The following TECPR2 variants were observed in gnomAD, a reference collection of about 807,000 sequenced individuals.
The protein encoded by TECPR2 is tectonin beta-propeller repeat-containing protein 2.
In TECPR2, 65 loss-of-function variants were observed where a neutral mutation model predicts 138.1. The observed-to-expected ratio is 0.47, with a 90% CI of 0.39 to 0.58. The LOEUF is 0.58. Among genes scored for constraint, TECPR2 ranks in the 20% least tolerant of loss-of-function variants. The pLI, the probability that TECPR2 is intolerant of heterozygous loss-of-function variation, is 0.00. For missense variants in TECPR2, 1,553 were observed against 1,824.5 expected (o/e 0.85, Z 2.71); for synonymous variants, 746 against 749.8 (o/e 0.99, Z 0.08).
chr14:102,370,524 C>T (rs1439051966), intron 1 of TECPR2, among the ~76,000 whole-genome samples: 2 of 152,170 alleles, frequency 1.3e-5, no homozygotes, highest in Non-Finnish European at 2.9e-5. Flanking sequence ...AAGGCCAGGA[C>T]GTGAGAGGCC....
intron 4 of TECPR2, among the ~76,000 whole-genome samples, chr14:102,414,130 A>G (rs181820316): frequency 6.6e-6 from 1 of 152,260 alleles, no homozygotes; most frequent in East Asian, 1.9e-4. Context: ...AATGTCCTCA[A>G]AGCTGCTTTG....
chr14:102,428,405 A>G (rs779881299), intron 7 of TECPR2, 23 bp downstream of exon 7: 10 of 1,607,100 alleles, frequency 6.2e-6, no homozygotes, highest in East Asian at 2.2e-5. Context: ...TATAAAATGT[A>G]CCATGTATAT....
At chr14:102,488,151 C>T (rs1313387526) in intron 17 of TECPR2, among the ~76,000 whole-genome samples, 2 of 151,260 alleles carry the variant, frequency 1.3e-5, no homozygotes, top group East Asian at 2.0e-4. Context: ...GCCTCTTTTG[C>T]ATTTTTATGA....
chr14:102,481,414 G>T (rs1226655737), intron 17 of TECPR2, among the ~76,000 whole-genome samples: 1 of 152,192 alleles, frequency 6.6e-6, no homozygotes, highest in Admixed American at 6.5e-5. Flanking sequence ...CTCCCAAAGT[G>T]TTGGGATTAC....
At position 102,438,214 on chromosome 14, in the gene TECPR2, CCCCGCTCCCTGCT is replaced by C. The variant is rs3831019; in HGVS notation, c.2578+30_2578+42del. The C allele has an allele frequency of 0.26, 416,167 of 1,590,256 alleles. 57,879 individuals are homozygous for C. The highest frequency in any genetic ancestry group is 0.3 in the Middle Eastern group (1,497 of 5,026). ...GGCAGTCTCGCCCTCAGGTTCGCCTCCCCGCTCCCTGCTCCCGCTCCCTGCTCCCGCTCGCCGC... is the reference window on the plus strand; with the variant it reads ...GGCAGTCTCGCCCTCAGGTTCGCCTCCCCGCTCCCTGCTCCCGCTCGCCGC... On this transcript the variant is annotated intron_variant, in intron 10 of 19. Transcript: ENST00000359520.
chr14:102,450,940 T>G (rs960596291), intron 15 of TECPR2, among the ~76,000 whole-genome samples: 1 of 152,228 alleles, frequency 6.6e-6, no homozygotes, highest in Non-Finnish European at 1.5e-5. Context: ...AGCTGGTGAC[T>G]TCCAGTGGCA....
chr14:102,409,242 G>A (rs1459208234), intron 4 of TECPR2, among the ~76,000 whole-genome samples: 1 of 152,034 alleles, frequency 6.6e-6, no homozygotes, highest in Non-Finnish European at 1.5e-5. Flanking sequence ...CTCCTTGGTG[G>A]CACAGTCCTT....
In TECPR2 at chr14:102,499,416, C is replaced by T; in HGVS notation, c.*1159C>T. On this transcript the variant is annotated 3_prime_UTR_variant, in exon 20 of 20. Transcript: ENST00000359520. ...TATGTTTTCCGAAAACAGTGGAAGC[C>T]CTTTGTTCCTTCCCGGGTTTGTCCT... The T allele has an allele frequency of 1.7e-6, 1 of 586,142 alleles. No homozygotes were observed. Among genetic ancestry groups the T allele is most frequent in the South Asian group, 2.0e-5 (1 of 49,642 alleles). The allele number at this position is 586,142 out of a possible 1,614,324, so 36.3% of individuals were successfully genotyped here.
chr14:102,473,942 C>T (rs116325657), intron 17 of TECPR2, among the ~76,000 whole-genome samples: 26 of 152,268 alleles, frequency 1.7e-4, no homozygotes, highest in African/African-American at 6.3e-4. Flanking sequence ...GGTGTGGTTC[C>T]AGTTTTGTAA....
rs184079510 is a variant in TECPR2 at position 102,366,566 on chromosome 14, C to G, written c.-73+3450C>G. Among the ~76,000 whole-genome samples, 149 of 152,202 alleles carry G rather than the reference C, an allele frequency of 9.8e-4. 2 individuals are homozygous for G. The South Asian group carries it at 0.02, about 21-fold the overall frequency. ...TTCGCCATGTTGGCCAGACTGGTCT[C>G]GAACTCCTGGCCTCAAGCAATCCTC... is the stretch of plus-strand genomic sequence containing the variant. On this transcript the variant is annotated intron_variant, in intron 1 of 19. Coordinates refer to ENST00000359520, the MANE Select transcript of TECPR2 (RefSeq NM_014844.5).
rs2139726986 is a variant in TECPR2, at chr14:102,431,982, C to G, written c.1271C>G (p.Pro424Arg). The G allele has an allele frequency of 6.2e-7, 1 of 1,612,924 alleles. No homozygotes were observed. Among genetic ancestry groups the G allele is most frequent in the South Asian group, 1.1e-5 (1 of 91,058 alleles). ...ACCGACAGCGGCTCCGGGCTCCTGC[C>G]CCCTGGGCTCCAGGCCACCCCTGAG... ...NSTDSGSGLL[P>R]PGLQATPELG... Residue 424 changes from proline (P) to arginine (R), a missense_variant, in exon 8 of 20, where the codon CCC (proline) becomes CGC (arginine). Transcript: ENST00000359520.
chr14:102,388,939 C>G (rs147496648), intron 2 of TECPR2, among the ~76,000 whole-genome samples: 2 of 133,534 alleles, frequency 1.5e-5, no homozygotes, highest in African/African-American at 2.9e-5. Context: ...CCAGCCTGGG[C>G]GACAGAGCAA....
In TECPR2 at chr14:102,376,854, G is replaced by A. The variant is rs768740315; in HGVS notation, c.133G>A (p.Gly45Arg). 8 of 1,614,018 alleles carry A rather than the reference G, an allele frequency of 5.0e-6. No individual in the cohort carries two copies. The East Asian group carries it at 6.7e-5, about 13-fold the overall frequency. Residue 45 changes from glycine to arginine, a missense_variant, in exon 2 of 20, where the codon GGG becomes AGG. Gly to Arg is a moderately radical substitution (Grantham distance 125, BLOSUM62 -2). Coordinates refer to ENST00000359520, the MANE Select transcript of TECPR2 (RefSeq NM_014844.5). ...CTATCTCACGGCCCTCGACACCAAC[G>A]GGGACTACATCGCGGTGGGCAGCAG... The part of the protein sequence containing the change: ...VVYLTALDTN[G>R]DYIAVGSSIG...
At chr14:102,446,459 C>T (rs1889982068) in intron 13 of TECPR2, among the ~76,000 whole-genome samples, 1 of 152,154 alleles carries the variant, frequency 6.6e-6, no homozygotes. Flanking sequence ...ATTAGTTGGA[C>T]ATGGTGGCAC....
At chr14:102,495,727 A>G (rs1162849748) in intron 17 of TECPR2, among the ~76,000 whole-genome samples, 1 of 152,206 alleles carries the variant, frequency 6.6e-6, no homozygotes, top group Non-Finnish European at 1.5e-5. Context: ...CTGTCTCTCC[A>G]TCCTCCATGT....
In TECPR2 at chr14:102,408,492, G is replaced by A. The variant is rs772768469; in HGVS notation, c.353G>A (p.Arg118Gln). ...ATTTTTATCCCTTGTTCATAGCTTC[G>A]GAGATTTGATGTCACTGGTATTCAC... Reference protein sequence around the residue: ...SSLPGRNKQLRRFDVTGIHKN... With the variant: ...SSLPGRNKQLQRFDVTGIHKN... Residue 118 changes from arginine (R) to glutamine (Q), a missense_variant, in exon 4 of 20, where the codon CGG (arginine) becomes CAG (glutamine). By Grantham distance (43) the Arg-to-Gln change is conservative. Coordinates refer to ENST00000359520, the MANE Select transcript of TECPR2 (RefSeq NM_014844.5). 3.1e-5 allele frequency: 50 copies of A among 1,597,118 alleles called. No homozygotes were observed. Among genetic ancestry groups the A allele is most frequent in the South Asian group, 6.9e-5 (6 of 87,098 alleles).
At chr14:102,429,417 C>G (rs1190500410) in intron 7 of TECPR2, among the ~76,000 whole-genome samples, 1 of 152,106 alleles carries the variant, frequency 6.6e-6, no homozygotes, top group Non-Finnish European at 1.5e-5. Context: ...TACCGTTTAC[C>G]CTTAACTCAG....
In TECPR2 at chr14:102,501,924, C is replaced by T. The variant is rs1891445620; in HGVS notation, c.*3667C>T. ...CTTGGGAGCCCCCCATTGGCGCCGCCCTACTGGGGAAGCCGGTCCGTACGT... is the reference window on the plus strand; with the variant it reads ...CTTGGGAGCCCCCCATTGGCGCCGCTCTACTGGGGAAGCCGGTCCGTACGT... On this transcript the variant is annotated 3_prime_UTR_variant, in exon 20 of 20. Transcript: ENST00000359520. The T allele has an allele frequency of 6.6e-6, 1 of 152,252 alleles. No homozygotes were observed. Among genetic ancestry groups the T allele is most frequent in the Non-Finnish European group, 1.5e-5 (1 of 68,058 alleles). 9.4% of individuals were successfully genotyped at this position (152,252 alleles called of 1,614,324 possible). A position where few individuals can be genotyped will look rare whatever the true frequency, so the allele number is the denominator to read the frequency against.
rs1227548784 is a variant in TECPR2 at position 102,465,202 on chromosome 14, G to A, written c.3702G>A (p.Arg1234=). 1 of 1,614,226 alleles carries A rather than the reference G, an allele frequency of 6.2e-7. No individual in the cohort carries two copies. ...GNQHIWACDS[R]GGVYFRVGTQ... ...AGCACATCTGGGCCTGTGATTCCAG[G>A]GGTGGAGTTTACTTCCGTGTAGGGA... The change falls in exon 17 of 20, where the codon AGG becomes AGA. Residue 1234 remains arginine (R), a synonymous_variant. Coordinates refer to ENST00000359520, the MANE Select transcript of TECPR2 (RefSeq NM_014844.5).
Sources: gnomAD v4.1 joint callset for allele counts (sites outside exome capture counted in the v4.1 genomes callset) on GRCh38, gnomAD v4.1.1 for gene constraint, MANE v1.5 for transcripts, NCBI Gene and HGNC (gene_info 2026-07-23, HGNC 2026-07-21) for gene names.